The following ANGPTL1 variants were observed in gnomAD, a reference collection of about 807,000 sequenced individuals.
ANGPTL1 encodes angiopoietin like 1.
ANGPTL1 carries 36 observed loss-of-function variants against 46.7 expected under a neutral mutation model. The observed-to-expected ratio is 0.77, with a 90% CI of 0.59 to 1.02. The LOEUF (loss-of-function observed/expected upper bound fraction) is 1.02, where lower values mean the gene tolerates loss of function less well. ANGPTL1 is among the 50% of genes least tolerant of loss of function. ANGPTL1 has a pLI of 0.00. For synonymous variants in ANGPTL1, 221 were observed against 204.3 expected, an observed-to-expected ratio of 1.08 and a Z score of -0.69; for missense variants, 571 against 594.7, an observed-to-expected ratio of 0.96 and a Z score of 0.41.
chr1:178,853,509 T>G (rs1657320237), intron 4 of ANGPTL1, 85 bp downstream of exon 4: 1 of 1,109,150 alleles, frequency 9.0e-7, no homozygotes, highest in Non-Finnish European at 1.2e-6. Flanking sequence ...ACTGTGTGTC[T>G]TATTTATTGC....
Position 178,851,249 on chromosome 1 carries a change from T to C in ANGPTL1, c.1356A>G (p.Gly452=). The C allele has an allele frequency of 6.2e-7, 1 of 1,613,942 alleles. No homozygotes were observed. Among genetic ancestry groups the C allele is most frequent in the Non-Finnish European group, 8.5e-7 (1 of 1,179,878 alleles). The change falls in exon 6 of 6, where the codon GGA becomes GGG. Residue 452 remains glycine, a synonymous_variant. Transcript: ENST00000234816. ...TGTAATGGCCTCCTCTGTACCATACTCCATTTAGGTTAGAATGTGCACAGG... is the reference window on the plus strand; with the variant it reads ...TGTAATGGCCTCCTCTGTACCATACCCCATTTAGGTTAGAATGTGCACAGG... The part of the protein sequence containing the change: ...YNACAHSNLN[G]VWYRGGHYRS...
In ANGPTL1 at chr1:178,851,074, T is replaced by G; in HGVS notation, c.*55A>C. 1 of 1,488,112 alleles carries G rather than the reference T, an allele frequency of 6.7e-7. No individual in the cohort carries two copies. Among genetic ancestry groups the G allele is most frequent in the Non-Finnish European group, 9.0e-7 (1 of 1,108,780 alleles). The allele number at this position is 1,488,112 out of a possible 1,614,324, so 92.2% of individuals were successfully genotyped here. ...TAATATACATGTAACATTTACATTT[T>G]TAAGAGCTGAAAAGTACAAAGTTCT... On this transcript the variant is annotated 3_prime_UTR_variant, in exon 6 of 6. Transcript: ENST00000234816.
rs573052934 is a variant in ANGPTL1 at position 178,851,000 on chromosome 1, G to A, written c.*129C>T. On this transcript the variant is annotated 3_prime_UTR_variant, in exon 6 of 6. Coordinates refer to ENST00000234816, the MANE Select transcript of ANGPTL1 (RefSeq NM_004673.4). ...TTTATAGGTTCCCTTTTATAGTTAC[G>A]GTAAAATTCATTTTAAAAACTTTCT... 2.4e-5 allele frequency: 20 copies of A among 848,320 alleles called. No individual in the cohort carries two copies. Among genetic ancestry groups the A allele is most frequent in the East Asian group, 1.8e-4 (6 of 33,794 alleles). 52.5% of individuals were successfully genotyped at this position (848,320 alleles called of 1,614,324 possible).
At chr1:178,858,177 T>C (rs917524443) in intron 3 of ANGPTL1, among the ~76,000 whole-genome samples, 2 of 152,184 alleles carry the variant, frequency 1.3e-5, no homozygotes, top group African/African-American at 2.4e-5. Flanking sequence ...CAATATTTAT[T>C]TGTATTTATT....
Position 178,853,656 on chromosome 1 carries a change from T to G in ANGPTL1, c.955A>C (p.Thr319Pro). Residue 319 changes from threonine (T) to proline (P), a missense_variant, in exon 4 of 6, where the codon ACT becomes CCT. Physicochemically the swap from Thr to Pro is conservative, Grantham distance 38. Coordinates refer to ENST00000234816, the MANE Select transcript of ANGPTL1 (RefSeq NM_004673.4). ...CCGTCTGTTCTTTTCTGAATAACAG[T>G]CCAACCCCCAGGGTCCAAACTGTTT... ...CENSLDPGGW[T>P]VIQKRTDGSV... 1 of 1,612,594 alleles carries G rather than the reference T, an allele frequency of 6.2e-7. No homozygotes were observed. Among genetic ancestry groups the G allele is most frequent in the Non-Finnish European group, 8.5e-7 (1 of 1,179,324 alleles).
rs1387655356 is a variant in ANGPTL1 at position 178,849,625 on chromosome 1, C to A, written c.*1504G>T. On this transcript the variant is annotated 3_prime_UTR_variant, in exon 6 of 6. Transcript: ENST00000234816. Reference sequence around the variant, plus strand: ...CCTTCCAGGAATCTTATAACAGATTCTTTGGTTCTGAAGGAAGTGGAGAGG... The same window carrying A: ...CCTTCCAGGAATCTTATAACAGATTATTTGGTTCTGAAGGAAGTGGAGAGG... 6.6e-6 allele frequency: 1 copy of A among 152,148 alleles called. No homozygotes were observed. The highest frequency in any genetic ancestry group is 2.4e-5 in the African/African-American group (1 of 41,432). The allele number at this position is 152,148 out of a possible 1,614,324, so 9.4% of individuals were successfully genotyped here.
intron 3 of ANGPTL1, among the ~76,000 whole-genome samples, chr1:178,854,037 A>G (rs1210757594): frequency 6.6e-6 from 1 of 152,026 alleles, no homozygotes; most frequent in African/African-American, 2.4e-5. Context: ...ATCCTAATAC[A>G]TGTAGAAAAT....
rs188281805 is a variant in ANGPTL1, at chr1:178,852,616, T to C, written c.1288+67A>G. 2.0e-6 allele frequency: 3 copies of C among 1,503,038 alleles called. No individual in the cohort carries two copies. The African/African-American group carries it at 4.2e-5, about 21-fold the overall frequency. The allele number at this position is 1,503,038 out of a possible 1,614,324, so 93.1% of individuals were successfully genotyped here. On this transcript the variant is annotated intron_variant, in intron 5 of 5. Transcript: ENST00000234816. Reference sequence around the variant, plus strand: ...TGAAAAGACTTTAGTAGCATATATATTAGTAGATTCTATTTAATGCATAGA... The same window carrying C: ...TGAAAAGACTTTAGTAGCATATATACTAGTAGATTCTATTTAATGCATAGA...
At chr1:178,863,339 A>G (rs978019316) in intron 3 of ANGPTL1, among the ~76,000 whole-genome samples, 2 of 152,262 alleles carry the variant, frequency 1.3e-5, no homozygotes, top group African/African-American at 4.8e-5. Context: ...AATGGTGAAA[A>G]GACAGTTAAC....
In ANGPTL1 at chr1:178,852,656, CAAAGAATGAA is replaced by C; in HGVS notation, c.1288+17_1288+26del. 1.3e-6 allele frequency: 2 copies of C among 1,592,206 alleles called. No individual in the cohort carries two copies. The highest frequency in any genetic ancestry group is 1.7e-6 in the Non-Finnish European group (2 of 1,168,856). ...TAATGCATAGAAGGTGATGATTCTA[CAAAGAATGAA>C]AGTTTTTCATACTTACCTGCATACA... On this transcript the variant is annotated intron_variant, in intron 5 of 5. Transcript: ENST00000234816.
intron 3 of ANGPTL1, among the ~76,000 whole-genome samples, chr1:178,856,394 A>ATTTTTTTT (rs71108081): frequency 0.035 from 1,277 of 36,426 alleles, 325 homozygotes; most frequent in Non-Finnish European, 0.047. Flanking sequence ...TGCCTGGCTA[A>ATTTTTTTT]TTTTTTTTTT....
intron 2 of ANGPTL1, 73 bp from the exon 3 acceptor site, chr1:178,865,875 CTT>C (rs1231779224): frequency 5.6e-6 from 5 of 893,630 alleles, no homozygotes; most frequent in Non-Finnish European, 8.3e-6. Flanking sequence ...AGTCAGTAAT[CTT>C]AAAAACTATC....
At position 178,856,394 on chromosome 1, in the gene ANGPTL1, A is replaced by ATTTTTTTTTTTTTTTTT. The variant is rs71108081; in HGVS notation, c.824-2624_824-2608dup. Among the ~76,000 whole-genome samples the ATTTTTTTTTTTTTTTTT allele has an allele frequency of 1.6e-3, 57 of 36,430 alleles. 12 individuals are homozygous for ATTTTTTTTTTTTTTTTT. Among genetic ancestry groups the ATTTTTTTTTTTTTTTTT allele is most frequent in the African/African-American group, 6.7e-3 (46 of 6,866 alleles). The allele number at this position is 36,430 out of a possible 152,430, so 23.9% of individuals were successfully genotyped here. On this transcript the variant is annotated intron_variant, in intron 3 of 5. Coordinates refer to ENST00000234816, the MANE Select transcript of ANGPTL1 (RefSeq NM_004673.4). ...AGGCAAGTGCCACCCTGCCTGGCTA[A>ATTTTTTTTTTTTTTTTT]TTTTTTTTTTTTTTTTTTTTTTTTT...
At chr1:178,863,442 C>T (rs1004812706) in intron 3 of ANGPTL1, among the ~76,000 whole-genome samples, 1 of 152,110 alleles carries the variant, frequency 6.6e-6, no homozygotes, top group African/African-American at 2.4e-5. Context: ...AAGAAATAGT[C>T]AGTGATTTGG....
intron 5 of ANGPTL1, 79 bp from the exon 6 acceptor site, chr1:178,851,395 A>G (rs1270675617): frequency 1.5e-6 from 2 of 1,306,784 alleles, no homozygotes; most frequent in Admixed American, 2.9e-5. Flanking sequence ...AACTTATTCT[A>G]CCTTTAATTT....
intron 1 of ANGPTL1, 86 bp downstream of exon 1, chr1:178,870,653 TAA>T (rs965670406): frequency 6.6e-6 from 1 of 152,330 alleles, no homozygotes; most frequent in African/African-American, 2.4e-5. Context: ...CTTTGTTTAG[TAA>T]AAGATTCTGA....
Position 178,865,620 on chromosome 1 carries a change from A to G in ANGPTL1, c.157T>C (p.Phe53Leu), listed in dbSNP as rs377060114. The change falls in exon 3 of 6, where the codon TTC (phenylalanine) becomes CTC (leucine). Residue 53 changes from phenylalanine (F) to leucine (L), a missense_variant. Phe to Leu is a conservative substitution (Grantham distance 22, BLOSUM62 0). Coordinates refer to ENST00000234816, the MANE Select transcript of ANGPTL1 (RefSeq NM_004673.4). ...KEEAKKCAYT[F>L]LVPEQRITGP... is the part of the protein sequence containing the mutation. ...GTTATTCTTTGTTCAGGTACCAGGAATGTGTATGCACATTTCTTTGCTTCC... is the reference window on the plus strand; with the variant it reads ...GTTATTCTTTGTTCAGGTACCAGGAGTGTGTATGCACATTTCTTTGCTTCC... The G allele has an allele frequency of 1.2e-6, 2 of 1,613,894 alleles. No individual in the cohort carries two copies. Among genetic ancestry groups the G allele is most frequent in the East Asian group, 2.2e-5 (1 of 44,886 alleles).
intron 3 of ANGPTL1, among the ~76,000 whole-genome samples, chr1:178,855,024 A>C (rs1388593848): frequency 6.6e-6 from 1 of 152,122 alleles, no homozygotes; most frequent in Non-Finnish European, 1.5e-5. Flanking sequence ...AATGTATAAA[A>C]ATTCTGATTG....
intron 3 of ANGPTL1, among the ~76,000 whole-genome samples, chr1:178,859,288 T>C (rs1027904071): frequency 1.3e-5 from 2 of 152,048 alleles, no homozygotes; most frequent in Non-Finnish European, 2.9e-5. Context: ...ACCTAAAAAG[T>C]ATATTAAGAA....
Sources: gnomAD v4.1 joint callset for allele counts (sites outside exome capture counted in the v4.1 genomes callset) on GRCh38, gnomAD v4.1.1 for gene constraint, MANE v1.5 for transcripts, NCBI Gene and HGNC (gene_info 2026-07-23, HGNC 2026-07-21) for gene names.